Variants in CCL17 observed in about 807,000 individuals in gnomAD.
CCL17 encodes the protein C-C motif chemokine 17.
In CCL17, 8 loss-of-function variants were observed where a neutral mutation model predicts 7.4. The observed-to-expected ratio is 1.09, with a 90% confidence interval of 0.64 to 1.96. The LOEUF (loss-of-function observed/expected upper bound fraction) is 1.96. Ranked by LOEUF, CCL17 falls within the 30% of genes most tolerant of loss-of-function variation. The probability of loss-of-function intolerance (pLI) is 0.00; values close to 1 mark genes in which losing one functional copy is unlikely to be tolerated. For synonymous variants in CCL17, 40 were observed against 46.1 expected (o/e 0.87, Z 0.54); for missense variants, 102 against 113.0 (o/e 0.90, Z 0.44).
the CCL17 span, among the ~76,000 whole-genome samples, chr16:57,397,497 T>G: frequency 6.6e-6 from 1 of 152,130 alleles, no homozygotes; most frequent in Admixed American, 6.5e-5. Context: ...CTAATGGGAG[T>G]TTCCACCTGG....
At chr16:57,404,721 A>C (rs1387554514), upstream of CCL17, 1 of 154,332 alleles carries the variant, frequency 6.5e-6, no homozygotes, top group Non-Finnish European at 1.5e-5. Flanking sequence ...AAGCCTTCTA[A>C]TGTAATTATT....
At chr16:57,401,562 C>T (rs2146528980), upstream of CCL17, among the ~76,000 whole-genome samples, 1 of 151,240 alleles carries the variant, frequency 6.6e-6, no homozygotes, top group South Asian at 2.1e-4. Flanking sequence ...TGTGCATGAA[C>T]AATGCTATAT....
chr16:57,406,986 A>G, intron 1 of CCL17, among the ~76,000 whole-genome samples: 1 of 152,188 alleles, frequency 6.6e-6, no homozygotes, highest in Non-Finnish European at 1.5e-5. Flanking sequence ...CTAGAGCATC[A>G]GAGCTGGAAG....
chr16:57,399,745 G>A, the CCL17 span, among the ~76,000 whole-genome samples: 1 of 152,300 alleles, frequency 6.6e-6, no homozygotes, highest in Admixed American at 6.5e-5. Context: ...ACTGCTCCTG[G>A]CCTGACATGG....
At position 57,415,740 on chromosome 16, in the gene CCL17, C is replaced by G; in HGVS notation, c.189-25C>G. Reference sequence around the variant, plus strand: ...GGGGGCCCTTCCCCCCCTGCCACTCCTGGTAACGTCCTCCTTCTGTGTAGT... The same window carrying G: ...GGGGGCCCTTCCCCCCCTGCCACTCGTGGTAACGTCCTCCTTCTGTGTAGT... On this transcript the variant is annotated intron_variant, in intron 3 of 3. Transcript: ENST00000219244. The surrounding 1 kb of genome is among the most constrained non-coding windows in gnomAD (Gnocchi z 4.5). 6.6e-7 allele frequency: 1 copy of G among 1,519,782 alleles called. No homozygotes were observed. The highest frequency in any genetic ancestry group is 2.3e-5 in the East Asian group (1 of 44,430). The allele number at this position is 1,519,782 out of a possible 1,614,324, so 94.1% of individuals were successfully genotyped here.
At chr16:57,407,873 A>T (rs1405272350) in intron 1 of CCL17, among the ~76,000 whole-genome samples, 3 of 151,266 alleles carry the variant, frequency 2.0e-5, no homozygotes, top group Non-Finnish European at 4.4e-5. Flanking sequence ...TTTACCATCC[A>T]TCTACACATC....
upstream of CCL17, among the ~76,000 whole-genome samples, chr16:57,403,384 TTATA>T (rs1902626760): frequency 4.6e-5 from 1 of 21,870 alleles, no homozygotes; most frequent in Non-Finnish European, 6.2e-5. Flanking sequence ...ATAACATATA[TTATA>T]TATAATATAT....
At chr16:57,400,963 C>T (rs1469847285), upstream of CCL17, among the ~76,000 whole-genome samples, 1 of 149,854 alleles carries the variant, frequency 6.7e-6, no homozygotes, top group Non-Finnish European at 1.5e-5. Context: ...AGCGAGACCC[C>T]ATCTCAAAAA....
At chr16:57,406,715 T>G (rs1455116776) in intron 1 of CCL17, among the ~76,000 whole-genome samples, 1 of 152,286 alleles carries the variant, frequency 6.6e-6, no homozygotes, top group African/African-American at 2.4e-5. Context: ...CTAGGAACTT[T>G]ATAGACTTCA....
At chr16:57,398,696 CTTG>C in the CCL17 span, among the ~76,000 whole-genome samples, 4 of 152,210 alleles carry the variant, frequency 2.6e-5, no homozygotes, top group Non-Finnish European at 5.9e-5. Flanking sequence ...AGATATTTGA[CTTG>C]TTGTAGGCAG....
intron 2 of CCL17, among the ~76,000 whole-genome samples, chr16:57,414,771 C>G (rs1483665376): frequency 2.0e-5 from 3 of 151,988 alleles, no homozygotes; most frequent in African/African-American, 7.2e-5. Context: ...CATACAGGGA[C>G]GCGCACAGAT....
chr16:57,415,731 C>T lies in CCL17; in HGVS notation c.189-34C>T, dbSNP rs763760487. On this transcript the variant is annotated intron_variant, in intron 3 of 3. Transcript: ENST00000219244. This position sits in a 1 kb window ranked among gnomAD's most constrained non-coding sequence, Gnocchi z 4.5. ...AGGGACTCTGGGGGCCCTTCCCCCC[C>T]TGCCACTCCTGGTAACGTCCTCCTT... is the stretch of plus-strand genomic sequence containing the variant. 1 of 1,427,374 alleles carries T rather than the reference C, an allele frequency of 7.0e-7. No individual in the cohort carries two copies. The highest frequency in any genetic ancestry group is 9.9e-7 in the Non-Finnish European group (1 of 1,009,628). The allele number at this position is 1,427,374 out of a possible 1,614,324, so 88.4% of individuals were successfully genotyped here. A position where few individuals can be genotyped will look rare whatever the true frequency, so the allele number is the denominator to read the frequency against.
chr16:57,401,465 A>G (rs1299010009), upstream of CCL17, among the ~76,000 whole-genome samples: 1 of 151,894 alleles, frequency 6.6e-6, no homozygotes, highest in East Asian at 1.9e-4. Context: ...TAGAGGTTGC[A>G]GTGAGACAAG....
upstream of CCL17, among the ~76,000 whole-genome samples, chr16:57,401,990 A>T (rs567912657): frequency 6.6e-6 from 1 of 152,204 alleles, no homozygotes; most frequent in Non-Finnish European, 1.5e-5. Context: ...GTCACCCATA[A>T]GCTGAGAGAG....
chr16:57,410,572 C>G (rs1388451540), intron 1 of CCL17, among the ~76,000 whole-genome samples: 1 of 152,220 alleles, frequency 6.6e-6, no homozygotes, highest in African/African-American at 2.4e-5. Context: ...ATTGCCCTGA[C>G]AGACCTCCAG....
rs1598014738 is a variant in CCL17 at position 57,415,069 on chromosome 16, C to T, written c.71-12C>T. ...ACTCACAGACACCCCTGCCCCGCTC[C>T]TCTCCCTGCAGCTCGAGGGACCAAT... On this transcript the variant is annotated splice_polypyrimidine_tract_variant and intron_variant, in intron 2 of 3. Coordinates refer to ENST00000219244, the MANE Select transcript of CCL17 (RefSeq NM_002987.3). The surrounding 1 kb of genome is among the most constrained non-coding windows in gnomAD (Gnocchi z 4.5). 2 of 1,587,644 alleles carry T rather than the reference C, an allele frequency of 1.3e-6. No homozygotes were observed. Among genetic ancestry groups the T allele is most frequent in the Non-Finnish European group, 1.7e-6 (2 of 1,156,016 alleles).
the CCL17 span, among the ~76,000 whole-genome samples, chr16:57,398,282 A>G: frequency 2.0e-5 from 3 of 152,236 alleles, no homozygotes; most frequent in Admixed American, 6.5e-5. Flanking sequence ...GCCTTTAGCT[A>G]CTACATCAAT....
chr16:57,413,862 G>A lies in CCL17; in HGVS notation c.-59-12G>A, dbSNP rs938806366. The A allele has an allele frequency of 5.2e-5, 73 of 1,395,382 alleles. No individual in the cohort carries two copies. In the African/African-American group the frequency reaches 8.7e-4, roughly 17 times the overall value. 86.4% of individuals were successfully genotyped at this position (1,395,382 alleles called of 1,614,324 possible). A position where few individuals can be genotyped will look rare whatever the true frequency, so the allele number is the denominator to read the frequency against. ...GGTTAAATAGGTCACTGCCACCCTC[G>A]ACTCTCAGCAGGGTGTCTCCCTGAG... On this transcript the variant is annotated splice_polypyrimidine_tract_variant and intron_variant, in intron 1 of 3. Coordinates refer to ENST00000219244, the MANE Select transcript of CCL17 (RefSeq NM_002987.3).
At chr16:57,398,042 G>T in the CCL17 span, among the ~76,000 whole-genome samples, 1 of 152,144 alleles carries the variant, frequency 6.6e-6, no homozygotes, top group South Asian at 2.1e-4. Context: ...TGGGAGAAAA[G>T]TAGCAGGGCT....
Sources: gnomAD v4.1 joint callset for allele counts (sites outside exome capture counted in the v4.1 genomes callset) on GRCh38, gnomAD v4.1.1 for gene constraint, Gnocchi (gnomAD v3.1) non-coding constraint, MANE v1.5 for transcripts, NCBI Gene and HGNC (gene_info 2026-07-23, HGNC 2026-07-21) for gene names.